Variants in ETV6 observed in about 807,000 individuals in gnomAD.
ETV6 encodes ETS variant transcription factor 6, also known as transcription factor ETV6.
ETV6 carries 16 observed loss-of-function variants against 51.1 expected under a neutral mutation model. That is an observed-to-expected ratio of 0.31 (90% CI 0.21 to 0.48). ETV6 has a LOEUF of 0.48. Among genes scored for constraint, ETV6 ranks in the 20% least tolerant of loss-of-function variants. The pLI is 0.99. For missense variants in ETV6, 458 were observed against 594.8 expected, an observed-to-expected ratio of 0.77 and a Z score of 2.39; for synonymous variants, 240 against 224.1, an observed-to-expected ratio of 1.07 and a Z score of -0.64.
Position 11,789,848 on chromosome 12 carries a change from A to C in ETV6, c.163+37269A>C, listed in dbSNP as rs182606172. ...TGTTTGTTGACTTATTGTTCCCTGG[A>C]AGCATTTTTTTATTCCCCAGATTCT... On this transcript the variant is annotated intron_variant, in intron 2 of 7. Transcript: ENST00000396373. Among the ~76,000 whole-genome samples the C allele has an allele frequency of 4.1e-3, 626 of 152,068 alleles. 5 individuals are homozygous for C. The highest frequency in any genetic ancestry group is 7.5e-3 in the Non-Finnish European group (507 of 67,996).
At chr12:11,778,144 C>G (rs554560181) in intron 2 of ETV6, among the ~76,000 whole-genome samples, 1 of 152,198 alleles carries the variant, frequency 6.6e-6, no homozygotes, top group Non-Finnish European at 1.5e-5. Context: ...GTCTCAGGGT[C>G]GCAGTTTCCT....
chr12:11,807,948 G>A (rs1945853593), intron 2 of ETV6, among the ~76,000 whole-genome samples: 1 of 152,058 alleles, frequency 6.6e-6, no homozygotes, highest in Non-Finnish European at 1.5e-5. Flanking sequence ...AAAGTAGTAG[G>A]AGCATACGTT....
At chr12:11,775,240 G>A (rs1227339148) in intron 2 of ETV6, among the ~76,000 whole-genome samples, 2 of 152,334 alleles carry the variant, frequency 1.3e-5, no homozygotes, top group African/African-American at 4.8e-5. Context: ...GAAGATGACT[G>A]GATGGCGGCA....
rs117457054 is a variant in ETV6 at position 11,691,781 on chromosome 12, G to A, written c.33+41621G>A. 1.1e-3 allele frequency among the ~76,000 whole-genome samples: 160 copies of A among 152,318 alleles called. No homozygotes were observed. In the East Asian group the frequency reaches 0.023, roughly 22 times the overall value. ...CGTTGAAGTTGGTGCTAGGATCTTGGCAATTGCAAACAGGTTTGCCATAAA... is the reference window on the plus strand; with the variant it reads ...CGTTGAAGTTGGTGCTAGGATCTTGACAATTGCAAACAGGTTTGCCATAAA... On this transcript the variant is annotated intron_variant, in intron 1 of 7. Transcript: ENST00000396373.
chr12:11,845,855 G>A (rs1396501689), intron 3 of ETV6, among the ~76,000 whole-genome samples: 1 of 152,074 alleles, frequency 6.6e-6, no homozygotes, highest in Non-Finnish European at 1.5e-5. Context: ...AGCCGGGCGT[G>A]GTGGCACGCA....
At chr12:11,837,748 T>G (rs1946336755) in intron 2 of ETV6, among the ~76,000 whole-genome samples, 1 of 152,234 alleles carries the variant, frequency 6.6e-6, no homozygotes, top group African/African-American at 2.4e-5. Flanking sequence ...TTGCTCTGTT[T>G]GAGCTATTGA....
chr12:11,733,245 A>G (rs146860082), intron 1 of ETV6, among the ~76,000 whole-genome samples: 2,068 of 152,124 alleles, frequency 0.014, 30 homozygotes, highest in Middle Eastern at 0.027. Flanking sequence ...TGTCTCTACT[A>G]AAAATACAAA....
intron 3 of ETV6, among the ~76,000 whole-genome samples, chr12:11,843,584 C>T (rs932681492): frequency 3.9e-5 from 6 of 152,168 alleles, no homozygotes; most frequent in African/African-American, 1.4e-4. Flanking sequence ...TCTATGCTCT[C>T]TATATATGGA....
chr12:11,846,169 C>A (rs758246276), intron 3 of ETV6, among the ~76,000 whole-genome samples: 1 of 150,686 alleles, frequency 6.6e-6, no homozygotes, highest in African/African-American at 2.5e-5. Flanking sequence ...AAGGGCCCAA[C>A]AGAGAGAACA....
intron 4 of ETV6, among the ~76,000 whole-genome samples, chr12:11,860,388 C>T (rs182527559): frequency 3.3e-5 from 5 of 152,250 alleles, no homozygotes; most frequent in Admixed American, 2.0e-4. Context: ...CTACATCCCC[C>T]GACTACCTGG....
chr12:11,672,777 A>G (rs564450745), intron 1 of ETV6, among the ~76,000 whole-genome samples: 45 of 152,364 alleles, frequency 3.0e-4, no homozygotes, highest in African/African-American at 1.0e-3. Context: ...CCAAGTCTTA[A>G]GAAAGGGACC....
chr12:11,738,047 T>C lies in ETV6; in HGVS notation c.34-14403T>C, dbSNP rs535734602. ...CATTAAACTGTAAGGTTAGTCTCGG[T>C]AAGAGGTTGTTTATATGGTGGTGTC... On this transcript the variant is annotated intron_variant, in intron 1 of 7. Transcript: ENST00000396373. Among the ~76,000 whole-genome samples, 40 of 152,238 alleles carry C rather than the reference T, an allele frequency of 2.6e-4. 1 individual carries two copies. The highest frequency in any genetic ancestry group is 4.6e-4 in the Non-Finnish European group (31 of 67,998).
Position 11,874,495 on chromosome 12 carries a change from C to CATGTGTATGTGCGTGTGTACACACAT in ETV6, c.1009+4528_1009+4529insGTGTATGTGCGTGTGTACACACATAT, listed in dbSNP as rs1565562366. Among the ~76,000 whole-genome samples the CATGTGTATGTGCGTGTGTACACACAT allele has an allele frequency of 4.9e-3, 69 of 14,084 alleles. 29 individuals are homozygous for CATGTGTATGTGCGTGTGTACACACAT. The highest frequency in any genetic ancestry group is 9.3e-3 in the African/African-American group (63 of 6,750). The allele number at this position is 14,084 out of a possible 152,430, so 9.2% of individuals were successfully genotyped here. A position where few individuals can be genotyped will look rare whatever the true frequency, so the allele number is the denominator to read the frequency against. On this transcript the variant is annotated intron_variant, in intron 5 of 7. Transcript: ENST00000396373. The stretch of plus-strand genomic sequence containing the variant: ...ACACGTGTATGTGCGTGTGTACACA[C>CATGTGTATGTGCGTGTGTACACACAT]ATATGTGTATGTGCGTGTGTACACA...
At chr12:11,821,178 C>G (rs986245729) in intron 2 of ETV6, among the ~76,000 whole-genome samples, 1 of 151,074 alleles carries the variant, frequency 6.6e-6, no homozygotes, top group Non-Finnish European at 1.5e-5. Flanking sequence ...CTGGCTAACA[C>G]GGCAAAACCC....
At chr12:11,666,322 T>C (rs753067301) in intron 1 of ETV6, among the ~76,000 whole-genome samples, 1 of 152,204 alleles carries the variant, frequency 6.6e-6, no homozygotes, top group Non-Finnish European at 1.5e-5. Context: ...CTATCTGAGA[T>C]GAAGATCTCT....
intron 5 of ETV6, among the ~76,000 whole-genome samples, chr12:11,881,471 G>C (rs957461899): frequency 6.6e-6 from 1 of 152,222 alleles, no homozygotes; most frequent in Non-Finnish European, 1.5e-5. Context: ...CAGTTCTGGG[G>C]GCTGGGGAGA....
chr12:11,843,061 GAT>G (rs1396487661), intron 3 of ETV6, among the ~76,000 whole-genome samples: 5 of 152,230 alleles, frequency 3.3e-5, no homozygotes, highest in African/African-American at 1.2e-4. Context: ...TGGGGATAAA[GAT>G]AAATTTATAC....
intron 1 of ETV6, among the ~76,000 whole-genome samples, chr12:11,735,144 ATT>A (rs1565504381): frequency 9.5e-6 from 1 of 105,058 alleles, no homozygotes; most frequent in Non-Finnish European, 1.8e-5. Flanking sequence ...CAAGCCTCCT[ATT>A]TCTTCACTTC....
chr12:11,670,194 T>G (rs994588056), intron 1 of ETV6, among the ~76,000 whole-genome samples: 1 of 152,244 alleles, frequency 6.6e-6, no homozygotes, highest in Admixed American at 6.5e-5. Context: ...GTATTTGGTA[T>G]CAAGCACGCC....
Sources: gnomAD v4.1 joint callset for allele counts (sites outside exome capture counted in the v4.1 genomes callset) on GRCh38, gnomAD v4.1.1 for gene constraint, MANE v1.5 for transcripts, NCBI Gene and HGNC (gene_info 2026-07-23, HGNC 2026-07-21) for gene names.